Variants in TEAD2 observed in about 807,000 individuals in gnomAD.
TEAD2 encodes the protein transcriptional enhancer factor TEF-4.
A neutral mutation model predicts 61.4 loss-of-function variants in TEAD2; 51 were observed. That is an observed-to-expected ratio of 0.83 (90% CI 0.66 to 1.05). The LOEUF (loss-of-function observed/expected upper bound fraction) is 1.05. Ranked by LOEUF, TEAD2 falls within the 50% of genes least tolerant of loss-of-function variation. The pLI, the probability that TEAD2 is intolerant of heterozygous loss-of-function variation, is 0.00. For missense variants in TEAD2, 509 were observed against 600.0 expected (o/e 0.85, Z 1.58); for synonymous variants, 244 against 243.2 (o/e 1.00, Z -0.03).
chr19:49,347,939 T>C (rs1971755538), intron 9 of TEAD2, among the ~76,000 whole-genome samples: 1 of 152,212 alleles, frequency 6.6e-6, no homozygotes, highest in Non-Finnish European at 1.5e-5. Flanking sequence ...GAAACTACAT[T>C]TCCCAGGCCG....
chr19:49,357,659 C>A, intron 3 of TEAD2: 1 of 358,190 alleles, frequency 2.8e-6, no homozygotes, highest in Non-Finnish European at 5.3e-6. Flanking sequence ...ACATTCGTCC[C>A]TTCCAAATTT....
intron 8 of TEAD2, among the ~76,000 whole-genome samples, chr19:49,349,435 A>G (rs1221327178): frequency 6.6e-6 from 1 of 150,882 alleles, no homozygotes; most frequent in Non-Finnish European, 1.5e-5. Context: ...TGCACTCCAG[A>G]CTGGGGGACA....
At position 49,347,186 on chromosome 19, in the gene TEAD2, T is replaced by C. The variant is rs1315764400; in HGVS notation, c.921+4A>G. The C allele has an allele frequency of 6.2e-7, 1 of 1,612,364 alleles. No individual in the cohort carries two copies. Among genetic ancestry groups the C allele is most frequent in the South Asian group, 1.1e-5 (1 of 90,990 alleles). On this transcript the variant is annotated splice_donor_region_variant and intron_variant, in intron 10 of 12. Coordinates refer to ENST00000593945, the MANE Select transcript of TEAD2 (RefSeq NM_001256660.2). ...GCACTTTTGATTTTGCTGTGAGAAC[T>C]CACCCAGAACTTGACCAGGAAGAAG...
chr19:49,359,529 T>G lies in TEAD2; in HGVS notation c.233-30A>C. On this transcript the variant is annotated intron_variant, in intron 2 of 12. Transcript: ENST00000593945. The surrounding 1 kb of genome is among the most constrained non-coding windows in gnomAD (Gnocchi z 4.1). Reference sequence around the variant, plus strand: ...AGATTCAAAGACGGAACAGAGTTAGTTAGACTTTCAACAGAACTTCCCCAC... The same window carrying G: ...AGATTCAAAGACGGAACAGAGTTAGGTAGACTTTCAACAGAACTTCCCCAC... The G allele has an allele frequency of 6.2e-7, 1 of 1,612,614 alleles. No homozygotes were observed. The highest frequency in any genetic ancestry group is 8.5e-7 in the Non-Finnish European group (1 of 1,178,840).
At chr19:49,346,518 G>A (rs1214976278) in intron 10 of TEAD2, among the ~76,000 whole-genome samples, 2 of 151,988 alleles carry the variant, frequency 1.3e-5, no homozygotes, top group Admixed American at 6.6e-5. Flanking sequence ...TTAGCCAGAT[G>A]TGGTGGCGGG....
chr19:49,346,183 AAAC>A (rs1568562198), intron 10 of TEAD2, among the ~76,000 whole-genome samples: 2 of 147,692 alleles, frequency 1.4e-5, no homozygotes, highest in African/African-American at 2.5e-5. Context: ...AAAAAAAAAA[AAAC>A]AATAAAAGAA....
rs762385156 is a variant in TEAD2, at chr19:49,341,501, C to A, written c.1243-64G>T. On this transcript the variant is annotated intron_variant, in intron 12 of 12. Transcript: ENST00000593945. This position sits in a 1 kb window ranked among gnomAD's most constrained non-coding sequence, Gnocchi z 4.2. ...GGGAGGGCAGGGACCCCTGTGCCCCCCTGCCAAGCTATCATGGAATACCCA... is the reference window on the plus strand; with the variant it reads ...GGGAGGGCAGGGACCCCTGTGCCCCACTGCCAAGCTATCATGGAATACCCA... 1 of 1,345,494 alleles carries A rather than the reference C, an allele frequency of 7.4e-7. No individual in the cohort carries two copies. Among genetic ancestry groups the A allele is most frequent in the Non-Finnish European group, 1.1e-6 (1 of 944,658 alleles). 83.3% of individuals were successfully genotyped at this position (1,345,494 alleles called of 1,614,324 possible).
In TEAD2 at chr19:49,359,543, G is replaced by C; in HGVS notation, c.233-44C>G. The C allele has an allele frequency of 6.2e-7, 1 of 1,603,028 alleles. No individual in the cohort carries two copies. The highest frequency in any genetic ancestry group is 8.5e-7 in the Non-Finnish European group (1 of 1,170,088). ...AACAGAGTTAGTTAGACTTTCAACA[G>C]AACTTCCCCACAGCATGGACACCAG... On this transcript the variant is annotated intron_variant, in intron 2 of 12. Transcript: ENST00000593945. The surrounding 1 kb of genome is among the most constrained non-coding windows in gnomAD (Gnocchi z 4.1).
chr19:49,359,880 G>T lies in TEAD2; in HGVS notation c.196C>A (p.Arg66=). The T allele has an allele frequency of 2.5e-6, 4 of 1,613,638 alleles. No individual in the cohort carries two copies. The highest frequency in any genetic ancestry group is 2.5e-6 in the Non-Finnish European group (3 of 1,180,014). Residue 66 remains arginine (R), a synonymous_variant, in exon 2 of 13, where the codon CGG becomes AGG. Coordinates refer to ENST00000593945, the MANE Select transcript of TEAD2 (RefSeq NM_001256660.2). This position sits in a 1 kb window ranked among gnomAD's most constrained non-coding sequence, Gnocchi z 4.1. ...ALAIYPPCGR[R]KIILSDEGKM... Reference sequence around the variant, plus strand: ...CCTTCATCAGACAAAATTATTTTCCGGCGGCCGCAGGGTGGATAGATGGCC... The same window carrying T: ...CCTTCATCAGACAAAATTATTTTCCTGCGGCCGCAGGGTGGATAGATGGCC...
At chr19:49,356,522 G>A (rs1228204612) in intron 4 of TEAD2, among the ~76,000 whole-genome samples, 1 of 152,090 alleles carries the variant, frequency 6.6e-6, no homozygotes, top group Non-Finnish European at 1.5e-5. Context: ...TGAGGAGAAG[G>A]AAATGAATGA....
At chr19:49,354,159 A>T (rs936665490) in intron 7 of TEAD2, among the ~76,000 whole-genome samples, 3 of 150,672 alleles carry the variant, frequency 2.0e-5, no homozygotes, top group African/African-American at 7.3e-5. Context: ...CTGCAGCCAC[A>T]CTACCCAACC....
intron 5 of TEAD2, among the ~76,000 whole-genome samples, chr19:49,355,694 G>A (rs1972344312): frequency 6.6e-6 from 1 of 152,142 alleles, no homozygotes; most frequent in African/African-American, 2.4e-5. Context: ...AGGTGTGGTG[G>A]TGCACACGCA....
At chr19:49,346,180 A>AT (rs1971623529) in intron 10 of TEAD2, among the ~76,000 whole-genome samples, 1 of 147,216 alleles carries the variant, frequency 6.8e-6, no homozygotes. Flanking sequence ...AAAAAAAAAA[A>AT]AAAAACAATA....
At chr19:49,346,828 G>A (rs1449246414) in intron 10 of TEAD2, among the ~76,000 whole-genome samples, 2 of 152,202 alleles carry the variant, frequency 1.3e-5, no homozygotes, top group Admixed American at 1.3e-4. Context: ...CTGGCTACGG[G>A]GAGGGGTCTT....
chr19:49,352,489 G>A (rs914143246), intron 7 of TEAD2, among the ~76,000 whole-genome samples: 2 of 152,014 alleles, frequency 1.3e-5, no homozygotes, highest in Admixed American at 6.6e-5. Context: ...CAGGAAGATC[G>A]CTTGAGCCCA....
intron 3 of TEAD2, chr19:49,357,623 C>T (rs1249467767): frequency 4.1e-6 from 2 of 492,582 alleles, no homozygotes; most frequent in Non-Finnish European, 7.4e-6. Context: ...TGAGAGCACA[C>T]GAACAGACAT....
rs559126913 is a variant in TEAD2, at chr19:49,357,338, G to T, written c.298-24C>A. 4.4e-5 allele frequency: 71 copies of T among 1,612,962 alleles called. No individual in the cohort carries two copies. The South Asian group carries it at 7.7e-4, about 18-fold the overall frequency. ...ACCTGGAAGGATCAACGGAGAAGCA[G>T]ATTCAGGCCACAGCCACCGCCCCTG... On this transcript the variant is annotated intron_variant, in intron 3 of 12. Coordinates refer to ENST00000593945, the MANE Select transcript of TEAD2 (RefSeq NM_001256660.2).
At position 49,347,229 on chromosome 19, in the gene TEAD2, ATCATATAGCTC is replaced by A; in HGVS notation, c.871_881del (p.Glu291SerfsTer23). 2 of 1,614,002 alleles carry A rather than the reference ATCATATAGCTC, an allele frequency of 1.2e-6. No homozygotes were observed. Among genetic ancestry groups the A allele is most frequent in the Non-Finnish European group, 1.7e-6 (2 of 1,179,996 alleles). Reference sequence around the variant, plus strand: ...GGAAGAAGGCATGGGGGGGGCCACGATCATATAGCTCTCGGAGGCCACCCTTTTTCTCAGGG... The same window carrying A: ...GGAAGAAGGCATGGGGGGGGCCACGATCGGAGGCCACCCTTTTTCTCAGGG... On this transcript the variant is annotated frameshift_variant, in exon 10 of 13. Transcript: ENST00000593945. LOFTEE classifies it high-confidence loss of function.
intron 12 of TEAD2, among the ~76,000 whole-genome samples, chr19:49,342,170 C>T (rs1189315481): frequency 5.3e-5 from 8 of 151,426 alleles, no homozygotes; most frequent in African/African-American, 9.7e-5. Context: ...CCAGCCTGGG[C>T]GACAGAGCGA....
Sources: gnomAD v4.1 joint callset for allele counts (sites outside exome capture counted in the v4.1 genomes callset) on GRCh38, gnomAD v4.1.1 for gene constraint, Gnocchi (gnomAD v3.1) non-coding constraint, MANE v1.5 for transcripts, NCBI Gene and HGNC (gene_info 2026-07-23, HGNC 2026-07-21) for gene names.